The following PDS5B variants were observed in gnomAD, a reference collection of about 807,000 sequenced individuals.
PDS5B encodes PDS5 cohesin associated factor B.
PDS5B carries 51 observed loss-of-function variants against 184.1 expected under a neutral mutation model. The observed-to-expected ratio is 0.28, with a 90% confidence interval of 0.22 to 0.35. The LOEUF (loss-of-function observed/expected upper bound fraction) is 0.35. Among genes scored for constraint, PDS5B ranks in the 10% least tolerant of loss-of-function variants. The probability of loss-of-function intolerance (pLI) is 1.00; values close to 1 mark genes in which losing one functional copy is unlikely to be tolerated. For synonymous variants in PDS5B, 566 were observed against 569.2 expected (o/e 0.99, Z 0.08); for missense variants, 1,180 against 1,723.3 (o/e 0.68, Z 5.58).
At chr13:32,743,321 CG>C (rs5802656) in intron 23 of PDS5B, among the ~76,000 whole-genome samples, 150,627 of 152,118 alleles carry the variant, frequency 0.99, 74,568 homozygotes, top group Middle Eastern at 1. Flanking sequence ...TCCTTACCCA[CG>C]GAAGTAGGAG....
Position 32,773,252 on chromosome 13 carries a change from G to A in PDS5B, c.4236G>A (p.Val1412=). The change falls in exon 34 of 35, where the codon GTG becomes GTA. Residue 1412 remains valine, a synonymous_variant. Coordinates refer to ENST00000315596, the MANE Select transcript of PDS5B (RefSeq NM_015032.4). Reference sequence around the variant, plus strand: ...ATGATTCAAGTGAAGAAGTAGATGTGTTTCAGGGTAGCTCTCCTGTCGATG... The same window carrying A: ...ATGATTCAAGTGAAGAAGTAGATGTATTTCAGGGTAGCTCTCCTGTCGATG... ...KENDSSEEVD[V]FQGSSPVDDI... The A allele has an allele frequency of 6.2e-7, 1 of 1,613,392 alleles. No individual in the cohort carries two copies. Among genetic ancestry groups the A allele is most frequent in the Non-Finnish European group, 8.5e-7 (1 of 1,179,500 alleles).
chr13:32,682,789 CTTTT>C (rs1282659496), intron 10 of PDS5B, among the ~76,000 whole-genome samples: 2 of 152,120 alleles, frequency 1.3e-5, no homozygotes, highest in Non-Finnish European at 2.9e-5. Context: ...TGTTTTCAGT[CTTTT>C]TGTTTTTAAC....
At chr13:32,661,995 A>T (rs1321652456) in intron 6 of PDS5B, among the ~76,000 whole-genome samples, 1 of 152,192 alleles carries the variant, frequency 6.6e-6, no homozygotes, top group Non-Finnish European at 1.5e-5. Flanking sequence ...AATAAAAGGA[A>T]GAGTTACAGT....
At chr13:32,616,562 A>C (rs978524728) in intron 1 of PDS5B, among the ~76,000 whole-genome samples, 4 of 152,188 alleles carry the variant, frequency 2.6e-5, no homozygotes, top group African/African-American at 7.2e-5. Context: ...TATTATGCCT[A>C]TGTCTGCATA....
chr13:32,642,086 G>T (rs1046804434), intron 1 of PDS5B, among the ~76,000 whole-genome samples: 1 of 152,102 alleles, frequency 6.6e-6, no homozygotes, highest in East Asian at 1.9e-4. Flanking sequence ...TTCGTAAGTC[G>T]TTGAATCAGT....
chr13:32,749,405 A>T (rs1953887592), intron 24 of PDS5B, among the ~76,000 whole-genome samples: 2 of 152,200 alleles, frequency 1.3e-5, no homozygotes, highest in African/African-American at 4.8e-5. Flanking sequence ...GGCTCTTTAA[A>T]TGCAGTATTG....
chr13:32,629,615 T>C (rs2058424810), intron 1 of PDS5B, among the ~76,000 whole-genome samples: 1 of 152,212 alleles, frequency 6.6e-6, no homozygotes, highest in African/African-American at 2.4e-5. Flanking sequence ...TCTTAGACAA[T>C]GTTTATCTTA....
chr13:32,696,896 A>G lies in PDS5B; in HGVS notation c.1594A>G (p.Ile532Val), dbSNP rs999904089. 6.5e-7 allele frequency: 1 copy of G among 1,542,708 alleles called. No homozygotes were observed. Among genetic ancestry groups the G allele is most frequent in the African/African-American group, 1.4e-5 (1 of 73,028 alleles). The change falls in exon 15 of 35, where the codon ATT becomes GTT. Residue 532 changes from isoleucine (I) to valine (V), a missense_variant. Physicochemically the swap from Ile to Val is conservative, Grantham distance 29. Transcript: ENST00000315596. ...GGCCATATTTTCAAAAGTGATGGTTATTACAAGTAAGTTATTTTAAAATCT... is the reference window on the plus strand; with the variant it reads ...GGCCATATTTTCAAAAGTGATGGTTGTTACAAGTAAGTTATTTTAAAATCT... ...VKAIFSKVMV[I>V]TRNLPDPGKA... is the part of the protein sequence containing the mutation.
intron 1 of PDS5B, among the ~76,000 whole-genome samples, 155 bp from the exon 2 acceptor site, chr13:32,648,599 G>A (rs1659464745): frequency 6.6e-6 from 1 of 152,144 alleles, no homozygotes; most frequent in South Asian, 2.1e-4. Flanking sequence ...TTGGGGAAAT[G>A]TTCAATAGAG....
chr13:32,597,495 C>T (rs776798579), intron 1 of PDS5B, among the ~76,000 whole-genome samples: 2 of 151,658 alleles, frequency 1.3e-5, no homozygotes, highest in Non-Finnish European at 2.9e-5. Flanking sequence ...GAGTTCGAGT[C>T]CAGCCTGGGT....
intron 6 of PDS5B, among the ~76,000 whole-genome samples, chr13:32,662,663 A>G (rs1950681184): frequency 6.6e-6 from 1 of 152,140 alleles, no homozygotes; most frequent in African/African-American, 2.4e-5. Flanking sequence ...CTTGCAGGAT[A>G]CACTTTTAAG....
intron 1 of PDS5B, among the ~76,000 whole-genome samples, chr13:32,605,281 A>G (rs904811023): frequency 1.3e-5 from 2 of 152,074 alleles, no homozygotes; most frequent in Non-Finnish European, 1.5e-5. Flanking sequence ...CTTTGTTCTC[A>G]TTGGTTTCAG....
intron 9 of PDS5B, among the ~76,000 whole-genome samples, chr13:32,678,123 C>T (rs956828497): frequency 2.0e-5 from 3 of 151,956 alleles, no homozygotes; most frequent in Admixed American, 6.6e-5. Flanking sequence ...ATACAATTAG[C>T]GAAATCTAAA....
intron 9 of PDS5B, among the ~76,000 whole-genome samples, chr13:32,677,104 A>G (rs1053618072): frequency 6.0e-4 from 92 of 152,194 alleles, no homozygotes; most frequent in Non-Finnish European, 9.6e-4. Context: ...AGAGGATATA[A>G]GTTGTGATAA....
chr13:32,667,636 TTCTC>T (rs1950836803), intron 6 of PDS5B, 124 bp from the exon 7 acceptor site: 1 of 592,608 alleles, frequency 1.7e-6, no homozygotes, highest in African/African-American at 2.0e-5. Flanking sequence ...TGGTTTTGCC[TTCTC>T]TCTTTTATTC....
chr13:32,723,851 T>C (rs889471255), intron 19 of PDS5B, among the ~76,000 whole-genome samples: 3 of 152,202 alleles, frequency 2.0e-5, no homozygotes, highest in Non-Finnish European at 4.4e-5. Context: ...GTTTTAGTTA[T>C]ACTAATTTTT....
At chr13:32,741,357 GAAA>G (rs144081401) in intron 22 of PDS5B, among the ~76,000 whole-genome samples, 1 of 151,948 alleles carries the variant, frequency 6.6e-6, no homozygotes, top group Non-Finnish European at 1.5e-5. Context: ...AATTTGAGGA[GAAA>G]AAAAGGTTTG....
chr13:32,771,993 G>C (rs549136588), intron 33 of PDS5B, among the ~76,000 whole-genome samples: 1 of 151,604 alleles, frequency 6.6e-6, no homozygotes, highest in Non-Finnish European at 1.5e-5. Flanking sequence ...GTCTGTCTTG[G>C]AAGCCTATCT....
intron 19 of PDS5B, among the ~76,000 whole-genome samples, chr13:32,716,623 TCAGCCCCCCGCC>T (rs1395494846): frequency 1.9e-5 from 2 of 106,462 alleles, no homozygotes; most frequent in Middle Eastern, 7.7e-3. Flanking sequence ...GGTGGGGGGG[TCAGCCCCCCGCC>T]CGGCCAGCCG....
Sources: allele counts gnomAD v4.1 joint callset (sites outside exome capture counted in the v4.1 genomes callset), GRCh38; gene constraint gnomAD v4.1.1; transcripts MANE v1.5; gene names NCBI Gene and HGNC (gene_info 2026-07-23, HGNC 2026-07-21).